Variants in LRRC49 observed in about 807,000 individuals in gnomAD.
LRRC49 encodes leucine-rich repeat-containing protein 49.
Under a neutral mutation model 83.3 loss-of-function variants are expected in LRRC49, and 50 were observed. That is an observed-to-expected ratio of 0.60 (90% CI 0.48 to 0.76). The LOEUF is 0.76. LRRC49 is among the 30% of genes least tolerant of loss of function. The probability of loss-of-function intolerance (pLI) is 0.00; values close to 1 mark genes in which losing one functional copy is unlikely to be tolerated. For synonymous variants in LRRC49, 286 were observed against 283.3 expected (o/e 1.01, Z -0.10); for missense variants, 704 against 809.1 (o/e 0.87, Z 1.58).
chr15:70,975,870 T>C (rs1443214109), intron 9 of LRRC49, among the ~76,000 whole-genome samples: 1 of 152,096 alleles, frequency 6.6e-6, no homozygotes, highest in Non-Finnish European at 1.5e-5. Context: ...ACCAATATGC[T>C]CTGGTTCTCC....
At chr15:71,036,695 T>G (rs1403793113) in intron 14 of LRRC49, among the ~76,000 whole-genome samples, 2 of 152,224 alleles carry the variant, frequency 1.3e-5, no homozygotes, top group East Asian at 3.8e-4. Flanking sequence ...TTTTGGTTTT[T>G]GGGTTATTTT....
chr15:70,882,243 A>G (rs1407978479), intron 2 of LRRC49: 1 of 430,574 alleles, frequency 2.3e-6, no homozygotes, highest in Admixed American at 3.9e-5. Flanking sequence ...AGAAAAAAAA[A>G]GGTGAAAGTA....
chr15:70,858,989 G>A, intron 1 of LRRC49: 1 of 892,276 alleles, frequency 1.1e-6, no homozygotes, highest in Non-Finnish European at 1.9e-6. Context: ...CCCAAAGAAG[G>A]AGCAGATCAA....
intron 14 of LRRC49, among the ~76,000 whole-genome samples, chr15:71,014,269 T>A (rs2038753374): frequency 6.6e-6 from 1 of 152,132 alleles, no homozygotes; most frequent in Non-Finnish European, 1.5e-5. Flanking sequence ...AAGAAAATCC[T>A]AAGAGAATGT....
intron 1 of LRRC49, among the ~76,000 whole-genome samples, chr15:70,866,969 T>C (rs2141073265): frequency 6.6e-6 from 1 of 151,894 alleles, no homozygotes; most frequent in African/African-American, 2.4e-5. Context: ...GGAAAGTCTT[T>C]GGGGTTAAAG....
chr15:70,866,278 C>A (rs1247081034), intron 1 of LRRC49, among the ~76,000 whole-genome samples: 1 of 152,040 alleles, frequency 6.6e-6, no homozygotes, highest in Non-Finnish European at 1.5e-5. Flanking sequence ...TCCTAAGTTG[C>A]TGGGACTACA....
At chr15:70,978,670 G>T (rs1306180990) in intron 9 of LRRC49, among the ~76,000 whole-genome samples, 1 of 152,136 alleles carries the variant, frequency 6.6e-6, no homozygotes, top group Admixed American at 6.5e-5. Context: ...TCTACCATTT[G>T]ATACAGCAGT....
At chr15:70,963,510 A>G (rs982355687) in intron 8 of LRRC49, among the ~76,000 whole-genome samples, 2 of 152,086 alleles carry the variant, frequency 1.3e-5, no homozygotes, top group Non-Finnish European at 2.9e-5. Flanking sequence ...GGAACAGAAA[A>G]AGGACATTAG....
rs555928951 is a variant in LRRC49 at position 70,941,861 on chromosome 15, T to C, written c.773+5039T>C. Among the ~76,000 whole-genome samples, 22 of 152,288 alleles carry C rather than the reference T, an allele frequency of 1.4e-4. No individual in the cohort carries two copies. The South Asian group carries it at 3.9e-3, about 27-fold the overall frequency. ...ATTAATCTTTGCAAAATTGTAATCG[T>C]TTTCTATTAAAAGATTGCCTTTCTT... On this transcript the variant is annotated intron_variant, in intron 8 of 15. Coordinates refer to ENST00000260382, the MANE Select transcript of LRRC49 (RefSeq NM_017691.5).
At chr15:70,931,068 G>A (rs1235150061) in intron 7 of LRRC49, among the ~76,000 whole-genome samples, 1 of 152,122 alleles carries the variant, frequency 6.6e-6, no homozygotes, top group Non-Finnish European at 1.5e-5. Flanking sequence ...TGGTGAAAGA[G>A]GCCTGGTTTT....
intron 11 of LRRC49, among the ~76,000 whole-genome samples, chr15:70,986,430 CTGTT>C (rs1196702652): frequency 2.6e-5 from 4 of 151,666 alleles, no homozygotes; most frequent in Non-Finnish European, 5.9e-5. Flanking sequence ...ATTTGGCTCT[CTGTT>C]TGTCTGTTAT....
At chr15:70,911,350 G>T (rs1039248113) in intron 5 of LRRC49, among the ~76,000 whole-genome samples, 182 bp from the exon 6 acceptor site, 4 of 151,908 alleles carry the variant, frequency 2.6e-5, no homozygotes, top group Non-Finnish European at 2.9e-5. Context: ...CTCTTGAGTG[G>T]TATTGCATTT....
At chr15:70,978,441 T>C (rs2037283734) in intron 9 of LRRC49, among the ~76,000 whole-genome samples, 1 of 152,220 alleles carries the variant, frequency 6.6e-6, no homozygotes. Flanking sequence ...CATATGACAT[T>C]GGCCAAAGCA....
intron 1 of LRRC49, among the ~76,000 whole-genome samples, chr15:70,867,468 A>G (rs2032937765): frequency 6.6e-6 from 1 of 152,210 alleles, no homozygotes; most frequent in Non-Finnish European, 1.5e-5. Context: ...TTCTTGGCCT[A>G]TGACCTCATT....
intron 14 of LRRC49, among the ~76,000 whole-genome samples, chr15:71,028,413 T>C (rs878973984): frequency 5.3e-5 from 8 of 152,170 alleles, no homozygotes; most frequent in Non-Finnish European, 8.8e-5. Flanking sequence ...TTTCTTTTTT[T>C]GTTGTGTCTC....
intron 1 of LRRC49, among the ~76,000 whole-genome samples, chr15:70,864,874 G>A (rs1045760532): frequency 3.3e-5 from 5 of 152,110 alleles, no homozygotes; most frequent in East Asian, 1.9e-4. Context: ...CTGTGTATCC[G>A]GGAATCTAGC....
chr15:70,997,991 T>A (rs1482864908), intron 11 of LRRC49, among the ~76,000 whole-genome samples: 1 of 152,208 alleles, frequency 6.6e-6, no homozygotes, highest in Non-Finnish European at 1.5e-5. Flanking sequence ...CTAGCTATTT[T>A]CTTAGTTGTT....
At chr15:70,889,453 TTC>T (rs1262715488), upstream of LRRC49, among the ~76,000 whole-genome samples, 1 of 152,078 alleles carries the variant, frequency 6.6e-6, no homozygotes, top group African/African-American at 2.4e-5. Flanking sequence ...GCTAGCAATG[TTC>T]TGTTTCTTTG....
rs1387571620 is a variant in LRRC49, at chr15:71,037,199, T to C, written c.1724T>C (p.Leu575Pro). ...TACAGGAAAAAGCAATTTCGGTATC[T>C]ACTAGAATCCAAAGGAAAAAAACCT... ...GDARKKQFRY[L>P]LESKGKKPGI... The change falls in exon 15 of 16, where the codon CTA becomes CCA. Residue 575 changes from leucine (L) to proline (P), a missense_variant. By Grantham distance (98) the Leu-to-Pro change is moderately conservative. Transcript: ENST00000260382. The C allele has an allele frequency of 1.9e-6, 3 of 1,608,772 alleles. No homozygotes were observed. The highest frequency in any genetic ancestry group is 2.5e-6 in the Non-Finnish European group (3 of 1,177,380).
Sources: allele counts gnomAD v4.1 joint callset (sites outside exome capture counted in the v4.1 genomes callset), GRCh38; gene constraint gnomAD v4.1.1; transcripts MANE v1.5; gene names NCBI Gene and HGNC (gene_info 2026-07-23, HGNC 2026-07-21).